Variants in CHSY3 observed in about 807,000 individuals in gnomAD.
CHSY3 encodes the protein chondroitin sulfate synthase 3.
A neutral mutation model predicts 67.2 loss-of-function variants in CHSY3; 35 were observed. The observed-to-expected ratio is 0.52, with a 90% CI of 0.40 to 0.69. The LOEUF (loss-of-function observed/expected upper bound fraction) is 0.69. Among genes scored for constraint, CHSY3 ranks in the 30% least tolerant of loss-of-function variants. The probability of loss-of-function intolerance (pLI) is 0.00; values close to 1 mark genes in which losing one functional copy is unlikely to be tolerated. For missense variants in CHSY3, 1,069 were observed against 1,138.5 expected (o/e 0.94, Z 0.88); for synonymous variants, 474 against 434.7 (o/e 1.09, Z -1.12).
intron 2 of CHSY3, chr5:130,140,088 AT>A: frequency 4.8e-6 from 1 of 206,904 alleles, no homozygotes. Context: ...TTGTGTGGGT[AT>A]TTTCCAGCAT....
At chr5:130,143,768 G>GTGTATATA (rs1347923514) in intron 2 of CHSY3, among the ~76,000 whole-genome samples, 3 of 64,970 alleles carry the variant, frequency 4.6e-5, no homozygotes, top group Admixed American at 3.7e-4. Context: ...GTGTGTGTGT[G>GTGTATATA]TATATATATA....
intron 2 of CHSY3, among the ~76,000 whole-genome samples, chr5:130,090,407 T>A (rs1445765817): frequency 1.3e-5 from 2 of 152,168 alleles, no homozygotes. Context: ...AGTACCTGGC[T>A]ACCAGTGCTT....
intron 2 of CHSY3, among the ~76,000 whole-genome samples, chr5:130,087,387 G>A (rs936330642): frequency 2.2e-4 from 34 of 152,104 alleles, no homozygotes; most frequent in Non-Finnish European, 4.7e-4. Context: ...GCAGGAGAAG[G>A]AAATAAAGGT....
intron 2 of CHSY3, among the ~76,000 whole-genome samples, chr5:130,056,918 CTTTTTTTTTTTTTTTT>C (rs58326964): frequency 5.3e-5 from 3 of 56,114 alleles, no homozygotes; most frequent in East Asian, 1.3e-3. Flanking sequence ...GCATTTCTTT[CTTTTTTTTTTTTTTTT>C]TTTTTTTTTG....
intron 2 of CHSY3, among the ~76,000 whole-genome samples, chr5:129,936,776 A>G (rs151060278): frequency 3.9e-5 from 6 of 152,296 alleles, no homozygotes; most frequent in Non-Finnish European, 7.4e-5. Flanking sequence ...TAAAACATAT[A>G]TGGTATACAA....
intron 2 of CHSY3, among the ~76,000 whole-genome samples, chr5:129,921,720 G>A (rs181954785): frequency 4.5e-4 from 68 of 152,030 alleles, no homozygotes; most frequent in African/African-American, 1.5e-3. Context: ...AATTTGTATG[G>A]TATGTGTTGT....
At chr5:130,135,894 T>C (rs555933453) in intron 2 of CHSY3, among the ~76,000 whole-genome samples, 70 of 152,372 alleles carry the variant, frequency 4.6e-4, no homozygotes, top group Non-Finnish European at 9.0e-4. Flanking sequence ...AGAGACTGTA[T>C]ATAACCAATA....
intron 2 of CHSY3, among the ~76,000 whole-genome samples, chr5:130,041,748 A>G (rs191749714): frequency 1.2e-3 from 184 of 152,246 alleles, no homozygotes; most frequent in Middle Eastern, 0.01. Context: ...TTATGAGGCT[A>G]CATTTTAACA....
chr5:130,097,388 C>A (rs1445957931), intron 2 of CHSY3, among the ~76,000 whole-genome samples: 1 of 152,222 alleles, frequency 6.6e-6, no homozygotes, highest in Non-Finnish European at 1.5e-5. Flanking sequence ...CAGGGAAGAG[C>A]AGTTCAAACA....
intron 1 of CHSY3, among the ~76,000 whole-genome samples, chr5:129,906,995 T>C (rs1002229725): frequency 1.3e-5 from 2 of 152,186 alleles, no homozygotes; most frequent in African/African-American, 4.8e-5. Context: ...TAATTGGATA[T>C]AAAAATAAAG....
chr5:130,042,276 G>A (rs960081705), intron 2 of CHSY3, among the ~76,000 whole-genome samples: 2 of 151,952 alleles, frequency 1.3e-5, no homozygotes, highest in African/African-American at 4.8e-5. Context: ...GGATATCATT[G>A]CTACCTTCTA....
chr5:129,938,752 A>C (rs78622950), intron 2 of CHSY3, among the ~76,000 whole-genome samples: 3,516 of 152,270 alleles, frequency 0.023, 124 homozygotes, highest in African/African-American at 0.08. Context: ...ACCTCCGCAG[A>C]CTGGGCTTCG....
At chr5:130,086,750 A>G (rs1467810300) in intron 2 of CHSY3, among the ~76,000 whole-genome samples, 1 of 152,138 alleles carries the variant, frequency 6.6e-6, no homozygotes, top group East Asian at 1.9e-4. Context: ...AAAAGAGTCC[A>G]GGACCACATG....
chr5:130,027,113 C>CT (rs1356570838), intron 2 of CHSY3, among the ~76,000 whole-genome samples: 2 of 152,126 alleles, frequency 1.3e-5, no homozygotes, highest in African/African-American at 4.8e-5. Context: ...TTCTGGTTCT[C>CT]TAACACTATG....
At chr5:130,002,105 C>T in intron 2 of CHSY3, 1 of 957,352 alleles carries the variant, frequency 1.0e-6, no homozygotes, top group Non-Finnish European at 1.2e-6. Flanking sequence ...TGCTTGGTGG[C>T]CTTCTTCTGT....
intron 2 of CHSY3, among the ~76,000 whole-genome samples, chr5:130,005,548 A>G (rs1763851643): frequency 6.6e-6 from 1 of 152,146 alleles, no homozygotes; most frequent in Admixed American, 6.5e-5. Flanking sequence ...GCTTAAGTTT[A>G]TTTTAATAGT....
chr5:129,974,649 C>T (rs1216740839), intron 2 of CHSY3, among the ~76,000 whole-genome samples: 1 of 152,052 alleles, frequency 6.6e-6, no homozygotes, highest in African/African-American at 2.4e-5. Context: ...GTTGTAAGGG[C>T]TGGTGCAGAG....
In CHSY3 at chr5:130,077,802, TATATATATACACAC is replaced by T. The variant is rs911405988; in HGVS notation, c.1087-106409_1087-106396del. Among the ~76,000 whole-genome samples the T allele has an allele frequency of 3.5e-3, 532 of 151,792 alleles. 2 individuals carry two copies. Among genetic ancestry groups the T allele is most frequent in the African/African-American group, 0.012 (509 of 41,484 alleles). ...TAGTTCTGACATATATATGTGTGTATATATATATACACACATATATATACACACATACATTTATA... is the reference window on the plus strand; with the variant it reads ...TAGTTCTGACATATATATGTGTGTATATATATATACACACATACATTTATA... On this transcript the variant is annotated intron_variant, in intron 2 of 2. Coordinates refer to ENST00000305031, the MANE Select transcript of CHSY3 (RefSeq NM_175856.5).
chr5:129,931,963 C>T (rs1157756324), intron 2 of CHSY3, among the ~76,000 whole-genome samples: 2 of 151,650 alleles, frequency 1.3e-5, no homozygotes, highest in East Asian at 3.9e-4. Flanking sequence ...GTTGATAAAG[C>T]TAATCTACTC....
Sources: allele counts gnomAD v4.1 joint callset (sites outside exome capture counted in the v4.1 genomes callset), GRCh38; gene constraint gnomAD v4.1.1; transcripts MANE v1.5; gene names NCBI Gene and HGNC (gene_info 2026-07-23, HGNC 2026-07-21).